Variants in PRDM16 observed in about 807,000 individuals in gnomAD.
The protein encoded by PRDM16 is PR/SET domain 16.
PRDM16 carries 23 observed loss-of-function variants against 110.6 expected under a neutral mutation model. The observed-to-expected ratio is 0.21, with a 90% CI of 0.15 to 0.29. The LOEUF (loss-of-function observed/expected upper bound fraction) is 0.29. Among genes scored for constraint, PRDM16 ranks in the 10% least tolerant of loss-of-function variants. The pLI is 1.00. For synonymous variants in PRDM16, 799 were observed against 781.8 expected, an observed-to-expected ratio of 1.02 and a Z score of -0.37; for missense variants, 1,615 against 1,794.3, an observed-to-expected ratio of 0.90 and a Z score of 1.81.
intron 2 of PRDM16, among the ~76,000 whole-genome samples, chr1:3,217,446 C>T (rs944114289): frequency 6.6e-6 from 1 of 152,234 alleles, no homozygotes; most frequent in Non-Finnish European, 1.5e-5. Context: ...GGATTTATGG[C>T]TTCTCTGGTT....
In PRDM16 at chr1:3,425,327, C is replaced by A. The variant is rs1358776609; in HGVS notation, c.2940-254C>A. On this transcript the variant is annotated intron_variant, in intron 12 of 16. Transcript: ENST00000270722. This position sits in a 1 kb window ranked among gnomAD's most constrained non-coding sequence, Gnocchi z 6.9. Reference sequence around the variant, plus strand: ...TCTCCTGACCTCGTGATCCACCCGCCTTGGCCTCCCAAAGTGCTGTGATTA... The same window carrying A: ...TCTCCTGACCTCGTGATCCACCCGCATTGGCCTCCCAAAGTGCTGTGATTA... The A allele has an allele frequency of 8.2e-6, 3 of 367,516 alleles. No individual in the cohort carries two copies. The South Asian group carries it at 1.3e-4, about 16-fold the overall frequency. 22.8% of individuals were successfully genotyped at this position (367,516 alleles called of 1,614,324 possible).
intron 1 of PRDM16, among the ~76,000 whole-genome samples, chr1:3,094,289 G>A (rs734372): frequency 0.38 from 58,193 of 152,184 alleles, 12,130 homozygotes; most frequent in African/African-American, 0.55. Context: ...CAGCTCCCAG[G>A]TGGCTCCTAA....
rs371151181 is a variant in PRDM16, at chr1:3,404,823, C to T, written c.969C>T (p.Asn323=). The T allele has an allele frequency of 1.6e-5, 26 of 1,613,624 alleles. No individual in the cohort carries two copies. In the African/African-American group the frequency reaches 3.3e-4, roughly 21 times the overall value. Residue 323 remains asparagine (N), a synonymous_variant, in exon 7 of 17, where the codon AAC becomes AAT. Coordinates refer to ENST00000270722, the MANE Select transcript of PRDM16 (RefSeq NM_022114.4). ...CCAAGGCCTTCAACTGGAAGTCCAA[C>T]CTCATCCGCCACCAGATGTCCCACG... ...QCPKAFNWKS[N]LIRHQMSHDS... is the part of the protein sequence containing the mutation.
chr1:3,114,598 AC>A (rs1404845714), intron 1 of PRDM16, among the ~76,000 whole-genome samples: 11 of 152,030 alleles, frequency 7.2e-5, no homozygotes, highest in Non-Finnish European at 1.6e-4. Flanking sequence ...ACACACGTGC[AC>A]ATGCACACAC....
At chr1:3,211,475 A>G (rs937543573) in intron 2 of PRDM16, among the ~76,000 whole-genome samples, 3 of 152,218 alleles carry the variant, frequency 2.0e-5, no homozygotes, top group African/African-American at 7.2e-5. Flanking sequence ...CTCCTAAGAA[A>G]AGACTCAAGG....
chr1:3,138,753 C>T (rs922615432), intron 1 of PRDM16, among the ~76,000 whole-genome samples: 20 of 152,332 alleles, frequency 1.3e-4, no homozygotes, highest in Non-Finnish European at 2.8e-4. Flanking sequence ...CAGGTATTCC[C>T]GCCATGCTCA....
At chr1:3,273,039 G>A (rs959233372) in intron 3 of PRDM16, among the ~76,000 whole-genome samples, 3 of 152,330 alleles carry the variant, frequency 2.0e-5, no homozygotes, top group Admixed American at 6.5e-5. Flanking sequence ...GAGGGCAGCC[G>A]GAGTCTGCGT....
At chr1:3,091,480 C>T (rs1642275081) in intron 1 of PRDM16, among the ~76,000 whole-genome samples, 1 of 152,216 alleles carries the variant, frequency 6.6e-6, no homozygotes, top group Non-Finnish European at 1.5e-5. Flanking sequence ...GTGAGAAGGG[C>T]AGGGGTTGGG....
rs1040323131 is a variant in PRDM16, at chr1:3,437,964, G to A, written c.*4153G>A. On this transcript the variant is annotated 3_prime_UTR_variant, in exon 17 of 17. Transcript: ENST00000270722. ...CTTAAGGTCGATATAAAGAATCCTC[G>A]CAGAATCACAGACCTGTGCCGCCCG... 3.2e-5 allele frequency: 7 copies of A among 219,964 alleles called. No homozygotes were observed. The highest frequency in any genetic ancestry group is 6.4e-5 in the Non-Finnish European group (7 of 109,646). The allele number at this position is 219,964 out of a possible 1,614,324, so 13.6% of individuals were successfully genotyped here.
intron 3 of PRDM16, among the ~76,000 whole-genome samples, chr1:3,295,221 C>CT (rs1458208519): frequency 2.6e-5 from 4 of 152,310 alleles, no homozygotes; most frequent in African/African-American, 7.2e-5. Context: ...TACAGGGTAT[C>CT]CAGGAAAGGC....
At chr1:3,367,841 G>A (rs1345087961) in intron 3 of PRDM16, among the ~76,000 whole-genome samples, 4 of 152,110 alleles carry the variant, frequency 2.6e-5, no homozygotes, top group Non-Finnish European at 5.9e-5. Context: ...ATATGAAATC[G>A]AAAAGGCAAG....
chr1:3,301,817 T>G (rs575177377), intron 3 of PRDM16, among the ~76,000 whole-genome samples: 1 of 152,244 alleles, frequency 6.6e-6, no homozygotes, highest in Non-Finnish European at 1.5e-5. Flanking sequence ...TGTGTTTTCC[T>G]GTGTGCTCCA....
intron 1 of PRDM16, among the ~76,000 whole-genome samples, chr1:3,168,468 G>C (rs1361398672): frequency 2.7e-5 from 4 of 150,658 alleles, no homozygotes; most frequent in Admixed American, 2.0e-4. Flanking sequence ...TGGAAAGATT[G>C]TTGAGACTTG....
intron 1 of PRDM16, among the ~76,000 whole-genome samples, chr1:3,116,075 C>T (rs546194660): frequency 5.1e-4 from 78 of 152,312 alleles, no homozygotes; most frequent in Middle Eastern, 3.4e-3. Context: ...GCCGGAGCCC[C>T]TCACACGGCA....
At chr1:3,374,957 C>T (rs1642967515) in intron 3 of PRDM16, among the ~76,000 whole-genome samples, 1 of 152,202 alleles carries the variant, frequency 6.6e-6, no homozygotes, top group South Asian at 2.1e-4. Context: ...CTTCGGTGTC[C>T]GGGCAGGGCT....
At chr1:3,162,704 G>C (rs989770166) in intron 1 of PRDM16, among the ~76,000 whole-genome samples, 1 of 152,228 alleles carries the variant, frequency 6.6e-6, no homozygotes, top group African/African-American at 2.4e-5. Context: ...AGCCAGGCTC[G>C]GTCGGCAGCC....
chr1:3,168,579 C>T, intron 1 of PRDM16, among the ~76,000 whole-genome samples: 1 of 150,822 alleles, frequency 6.6e-6, no homozygotes, highest in Middle Eastern at 3.2e-3. Flanking sequence ...ATTCCCGCCC[C>T]ACCCCCGCCC....
chr1:3,091,981 C>T (rs941562817), intron 1 of PRDM16, among the ~76,000 whole-genome samples: 4 of 152,184 alleles, frequency 2.6e-5, no homozygotes, highest in Non-Finnish European at 2.9e-5. Flanking sequence ...TTGGGAGGCC[C>T]GCGTTAGCCC....
chr1:3,430,650 C>T (rs752842855), intron 14 of PRDM16, among the ~76,000 whole-genome samples: 2 of 152,258 alleles, frequency 1.3e-5, no homozygotes, highest in African/African-American at 2.4e-5. Flanking sequence ...CCCACCGCCC[C>T]GAGCGCTTGC....
Sources: allele counts gnomAD v4.1 joint callset (sites outside exome capture counted in the v4.1 genomes callset), GRCh38; gene constraint gnomAD v4.1.1; non-coding constraint Gnocchi (gnomAD v3.1); transcripts MANE v1.5; gene names NCBI Gene and HGNC (gene_info 2026-07-23, HGNC 2026-07-21).